PRDX2: variants seen among roughly 807,000 people sequenced by gnomAD.
PRDX2 encodes the protein peroxiredoxin-2.
In PRDX2, 10 loss-of-function variants were observed where a neutral mutation model predicts 19.8. That is an observed-to-expected ratio of 0.50 (90% confidence interval 0.31 to 0.86). The LOEUF is 0.86. Ranked by LOEUF, PRDX2 falls within the 40% of genes least tolerant of loss-of-function variation. The probability of loss-of-function intolerance (pLI) is 0.04; values close to 1 mark genes in which losing one functional copy is unlikely to be tolerated. For missense variants in PRDX2, 226 were observed against 260.1 expected, an observed-to-expected ratio of 0.87 and a Z score of 0.90; for synonymous variants, 118 against 108.2, an observed-to-expected ratio of 1.09 and a Z score of -0.56.
At chr19:12,801,298 C>T (rs1433282832) in intron 1 of PRDX2, 28 bp from the exon 2 acceptor site, 2 of 1,582,658 alleles carry the variant, frequency 1.3e-6, no homozygotes, top group East Asian at 4.7e-5. Flanking sequence ...TCAGTGCGCC[C>T]GGGAAGACAC....
intron 5 of PRDX2, chr19:12,799,526 T>C (rs1332671208): frequency 2.8e-5 from 6 of 215,706 alleles, no homozygotes; most frequent in South Asian, 2.5e-4. Context: ...GGCCAGCTAA[T>C]TTTTTGTGTT....
At position 12,797,122 on chromosome 19, in the gene PRDX2, T is replaced by C. The variant is rs1968803303; in HGVS notation, c.556A>G (p.Asn186Asp). The part of the protein sequence containing the change: ...WKPGSDTIKP[N>D]VDDSKEYFSK... ...AAATATTCCTTGCTGTCATCCACGT[T>C]GGGCTTAATCGTGTCACTGCCAGGC... Residue 186 changes from asparagine to aspartate, a missense_variant, in exon 6 of 6, where the codon AAC becomes GAC. Transcript: ENST00000301522. 1.2e-6 allele frequency: 2 copies of C among 1,614,190 alleles called. No individual in the cohort carries two copies. Among genetic ancestry groups the C allele is most frequent in the Non-Finnish European group, 8.5e-7 (1 of 1,180,016 alleles).
Position 12,800,250 on chromosome 19 carries a change from G to C in PRDX2, c.307C>G (p.Leu103Val). Reference sequence around the variant, plus strand: ...AAGCGTCTGGTCACGTCAGCAAGCAGGGGGATGTTCAGGGGGCCCAAGCCT... The same window carrying C: ...AAGCGTCTGGTCACGTCAGCAAGCACGGGGATGTTCAGGGGGCCCAAGCCT... ...EGGLGPLNIP[L>V]LADVTRRLSE... Residue 103 changes from leucine to valine, a missense_variant, in exon 4 of 6, where the codon CTG (leucine) becomes GTG (valine). Coordinates refer to ENST00000301522, the MANE Select transcript of PRDX2 (RefSeq NM_005809.6). The C allele has an allele frequency of 6.2e-7, 1 of 1,613,824 alleles. No homozygotes were observed. Among genetic ancestry groups the C allele is most frequent in the Non-Finnish European group, 8.5e-7 (1 of 1,179,958 alleles).
chr19:12,801,417 G>C, intron 1 of PRDX2, 147 bp from the exon 2 acceptor site: 1 of 873,298 alleles, frequency 1.1e-6, no homozygotes, highest in Non-Finnish European at 1.8e-6. Flanking sequence ...GGTCTACGAG[G>C]CCCGGAGGCT....
intron 5 of PRDX2, among the ~76,000 whole-genome samples, chr19:12,798,579 G>A (rs1313799110): frequency 1.3e-5 from 2 of 148,284 alleles, no homozygotes; most frequent in Non-Finnish European, 3.0e-5. Context: ...TCGAACTCCC[G>A]ACCTCAGGTG....
intron 5 of PRDX2, 50 bp from the exon 6 acceptor site, chr19:12,797,216 G>C (rs1485526970): frequency 1.3e-6 from 2 of 1,550,248 alleles, no homozygotes; most frequent in South Asian, 2.2e-5. Flanking sequence ...CCAGGTTCAA[G>C]GTGAAGCAAA....
Position 12,800,388 on chromosome 19 carries a change from G to A in PRDX2, c.258-89C>T, listed in dbSNP as rs928285403. 8.0e-6 allele frequency: 12 copies of A among 1,504,294 alleles called. No homozygotes were observed. The East Asian group carries it at 2.7e-4, about 34-fold the overall frequency. The allele number at this position is 1,504,294 out of a possible 1,614,324, so 93.2% of individuals were successfully genotyped here. ...TGGGCCCAATGTGATAAGCACTGGA[G>A]GCCGGAGATAAGGGGCTTTAGAGTA... is the stretch of plus-strand genomic sequence containing the variant. On this transcript the variant is annotated intron_variant, in intron 3 of 5. Coordinates refer to ENST00000301522, the MANE Select transcript of PRDX2 (RefSeq NM_005809.6).
At position 12,797,111 on chromosome 19, in the gene PRDX2, G is replaced by A. The variant is rs1309262556; in HGVS notation, c.567C>T (p.Asp189=). Residue 189 remains aspartate (D), a synonymous_variant, in exon 6 of 6, where the codon GAC becomes GAT. Transcript: ENST00000301522. The part of the protein sequence containing the change: ...GSDTIKPNVD[D]SKEYFSKHN ...TGTGTTTGGAGAAATATTCCTTGCT[G>A]TCATCCACGTTGGGCTTAATCGTGT... is the stretch of plus-strand genomic sequence containing the variant. The A allele has an allele frequency of 1.2e-6, 2 of 1,614,044 alleles. No individual in the cohort carries two copies. Among genetic ancestry groups the A allele is most frequent in the Non-Finnish European group, 1.7e-6 (2 of 1,180,042 alleles).
At chr19:12,797,816 C>T (rs558928442) in intron 5 of PRDX2, among the ~76,000 whole-genome samples, 5 of 151,478 alleles carry the variant, frequency 3.3e-5, no homozygotes, top group African/African-American at 4.9e-5. Context: ...CGCCACCACA[C>T]CCTGCTAATT....
At chr19:12,797,879 C>T (rs969511144) in intron 5 of PRDX2, among the ~76,000 whole-genome samples, 71 of 151,318 alleles carry the variant, frequency 4.7e-4, no homozygotes, top group African/African-American at 1.6e-3. Flanking sequence ...AGGCTGATCT[C>T]GAACTCCTGA....
Position 12,799,941 on chromosome 19 carries a change from A to C in PRDX2, c.429T>G (p.Val143=). The part of the protein sequence containing the change: ...DGKGVLRQIT[V]NDLPVGRSVD... ...CGGAGCGTCCCACAGGCAAATCATT[A>C]ACAGTGATCTGGCGAAGGACACCCT... is the stretch of plus-strand genomic sequence containing the variant. The change falls in exon 5 of 6, where the codon GTT becomes GTG. Residue 143 remains valine, a synonymous_variant. Transcript: ENST00000301522. The C allele has an allele frequency of 6.2e-7, 1 of 1,614,106 alleles. No individual in the cohort carries two copies. The highest frequency in any genetic ancestry group is 8.5e-7 in the Non-Finnish European group (1 of 1,180,006).
chr19:12,800,540 G>A, intron 3 of PRDX2: 1 of 792,942 alleles, frequency 1.3e-6, no homozygotes, highest in South Asian at 1.9e-5. Context: ...GTAACTTGCA[G>A]CATCACCCAG....
intron 1 of PRDX2, among the ~76,000 whole-genome samples, chr19:12,801,510 G>A (rs1968897335): frequency 6.6e-6 from 1 of 152,252 alleles, no homozygotes; most frequent in African/African-American, 2.4e-5. Context: ...GCCGGAGGGC[G>A]GTGTCGCAAG....
In PRDX2 at chr19:12,800,265, G is replaced by A. The variant is rs774891064; in HGVS notation, c.292C>T (p.Pro98Ser). The A allele has an allele frequency of 1.2e-6, 2 of 1,613,518 alleles. No individual in the cohort carries two copies. Among genetic ancestry groups the A allele is most frequent in the Non-Finnish European group, 1.7e-6 (2 of 1,179,802 alleles). The change falls in exon 4 of 6, where the codon CCC becomes TCC. Residue 98 changes from proline (P) to serine (S), a missense_variant. Pro to Ser is a moderately conservative substitution (Grantham distance 74). Coordinates refer to ENST00000301522, the MANE Select transcript of PRDX2 (RefSeq NM_005809.6). ...TCAGCAAGCAGGGGGATGTTCAGGG[G>A]GCCCAAGCCTCCCTCTTTCCGGGGG... The part of the protein sequence containing the change: ...NTPRKEGGLG[P>S]LNIPLLADVT...
intron 5 of PRDX2, among the ~76,000 whole-genome samples, chr19:12,798,330 C>G (rs890102632): frequency 6.6e-6 from 1 of 151,524 alleles, no homozygotes. Flanking sequence ...CAGGCATGAG[C>G]CACCGTGCCC....
intron 3 of PRDX2, chr19:12,800,644 A>C: frequency 7.2e-7 from 1 of 1,390,428 alleles, no homozygotes. Flanking sequence ...ATCTTCATGA[A>C]ATAGGGCAGC....
In PRDX2 at chr19:12,800,004, G is replaced by T; in HGVS notation, c.381-15C>A. 6.2e-7 allele frequency: 1 copy of T among 1,612,722 alleles called. No individual in the cohort carries two copies. The highest frequency in any genetic ancestry group is 8.5e-7 in the Non-Finnish European group (1 of 1,179,394). The stretch of plus-strand genomic sequence containing the variant: ...TAAAGAGGCCCCTGAAGACATCAGG[G>T]TTCCCAGTGAGGAGCTGATAGCTCC... On this transcript the variant is annotated splice_polypyrimidine_tract_variant and intron_variant, in intron 4 of 5. Coordinates refer to ENST00000301522, the MANE Select transcript of PRDX2 (RefSeq NM_005809.6).
In PRDX2 at chr19:12,801,002, C is replaced by G. The variant is rs1968884257; in HGVS notation, c.171G>C (p.Ala57=). 1 of 1,612,436 alleles carries G rather than the reference C, an allele frequency of 6.2e-7. No homozygotes were observed. The highest frequency in any genetic ancestry group is 1.3e-5 in the African/African-American group (1 of 74,808). Residue 57 remains alanine (A), a synonymous_variant, in exon 3 of 6, where the codon GCG becomes GCC. Coordinates refer to ENST00000301522, the MANE Select transcript of PRDX2 (RefSeq NM_005809.6). ...FTFVCPTEII[A]FSNRAEDFRK... ...GGAAGTCCTCTGCACGGTTGCTGAACGCGATGATCTCGGTGGGGCACACAA... is the reference window on the plus strand; with the variant it reads ...GGAAGTCCTCTGCACGGTTGCTGAAGGCGATGATCTCGGTGGGGCACACAA...
chr19:12,799,731 G>A, intron 5 of PRDX2, 128 bp downstream of exon 5: 1 of 1,298,406 alleles, frequency 7.7e-7, no homozygotes, highest in East Asian at 2.4e-5. Context: ...TGCAGACAAA[G>A]CCCTGAGCTG....
Sources: gnomAD v4.1 joint callset for allele counts (sites outside exome capture counted in the v4.1 genomes callset) on GRCh38, gnomAD v4.1.1 for gene constraint, MANE v1.5 for transcripts, NCBI Gene and HGNC (gene_info 2026-07-23, HGNC 2026-07-21) for gene names.